The following SCHIP1 variants were observed in gnomAD, a reference collection of about 807,000 sequenced individuals.
SCHIP1 encodes the protein schwannomin-interacting protein 1.
In SCHIP1, 8 loss-of-function variants were observed where a neutral mutation model predicts 29.7. The observed-to-expected ratio is 0.27, with a 90% CI of 0.16 to 0.49. The LOEUF is 0.49. SCHIP1 is among the 20% of genes least tolerant of loss of function. The probability of loss-of-function intolerance (pLI) is 0.99; values close to 1 mark genes in which losing one functional copy is unlikely to be tolerated. For missense variants in SCHIP1, 193 were observed against 294.6 expected (o/e 0.66, Z 2.52); for synonymous variants, 76 against 94.9 (o/e 0.80, Z 1.16).
the SCHIP1 span, among the ~76,000 whole-genome samples, chr3:159,565,588 GTTC>G: frequency 6.6e-6 from 1 of 152,152 alleles, no homozygotes; most frequent in Non-Finnish European, 1.5e-5. Context: ...AGGATGGACT[GTTC>G]TTAAATGTTT....
the SCHIP1 span, among the ~76,000 whole-genome samples, chr3:159,281,748 TTC>T: frequency 6.6e-6 from 1 of 152,156 alleles, no homozygotes; most frequent in Non-Finnish European, 1.5e-5. Flanking sequence ...CATTGTAATA[TTC>T]TCTGTCTCAT....
chr3:159,892,120 C>G, exon 6 of SCHIP1: 1 of 1,613,686 alleles, frequency 6.2e-7, no homozygotes, highest in Non-Finnish European at 8.5e-7. Context: ...GTTGGTCCAG[C>G]TGCTTCTCAT....
the SCHIP1 span, among the ~76,000 whole-genome samples, chr3:159,701,269 T>C: frequency 6.6e-6 from 1 of 152,218 alleles, no homozygotes; most frequent in East Asian, 1.9e-4. Flanking sequence ...GCATCCTTTT[T>C]TATGGTTAAT....
At chr3:159,838,767 G>C (rs1272048085), upstream of SCHIP1, among the ~76,000 whole-genome samples, 5 of 151,772 alleles carry the variant, frequency 3.3e-5, no homozygotes, top group Non-Finnish European at 7.4e-5. Flanking sequence ...GGTGGTGGGC[G>C]CCTGTAGTCC....
At chr3:159,297,126 T>TTGTGTGTG in the SCHIP1 span, among the ~76,000 whole-genome samples, 293 of 143,370 alleles carry the variant, frequency 2.0e-3, no homozygotes, top group African/African-American at 3.8e-3. Flanking sequence ...TAATATTCCA[T>TTGTGTGTG]TGTGTGTGTG....
the SCHIP1 span, among the ~76,000 whole-genome samples, chr3:159,291,367 T>A: frequency 6.6e-6 from 1 of 152,136 alleles, no homozygotes; most frequent in South Asian, 2.1e-4. Flanking sequence ...ATTAAGCATA[T>A]ATTAAGTTTC....
chr3:159,392,327 A>T, the SCHIP1 span, among the ~76,000 whole-genome samples: 1 of 152,110 alleles, frequency 6.6e-6, no homozygotes, highest in Admixed American at 6.6e-5. Context: ...TTTTATTATT[A>T]TACTTTAAGT....
the SCHIP1 span, among the ~76,000 whole-genome samples, chr3:159,750,296 T>TATATATATATACACAC: frequency 3.4e-4 from 45 of 132,770 alleles, no homozygotes; most frequent in African/African-American, 1.4e-3. Flanking sequence ...TATATATATA[T>TATATATATATACACAC]ACACACACAC....
At chr3:159,673,151 G>A in the SCHIP1 span, among the ~76,000 whole-genome samples, 2 of 152,222 alleles carry the variant, frequency 1.3e-5, no homozygotes, top group African/African-American at 4.8e-5. Flanking sequence ...CAGTGACACA[G>A]CCTTGAAACA....
At chr3:159,644,917 C>T in the SCHIP1 span, among the ~76,000 whole-genome samples, 10 of 152,130 alleles carry the variant, frequency 6.6e-5, no homozygotes, top group Middle Eastern at 3.4e-3. Context: ...CTAACACTCT[C>T]GTTTGAGGGA....
intron 2 of SCHIP1, among the ~76,000 whole-genome samples, chr3:159,870,270 T>C (rs1007283540): frequency 6.6e-6 from 1 of 152,018 alleles, no homozygotes; most frequent in East Asian, 1.9e-4. Context: ...GGATTAGAAA[T>C]AGTAGTAGTT....
chr3:159,439,376 GA>G, the SCHIP1 span, among the ~76,000 whole-genome samples: 2 of 152,128 alleles, frequency 1.3e-5, no homozygotes, highest in Non-Finnish European at 2.9e-5. Context: ...AAGGCGGCAG[GA>G]AGGAGAAGTG....
At chr3:159,713,296 G>GA in the SCHIP1 span, among the ~76,000 whole-genome samples, 1 of 148,664 alleles carries the variant, frequency 6.7e-6, no homozygotes, top group African/African-American at 2.5e-5. Context: ...AAAAAGAAAA[G>GA]AAAGAAAGAA....
At chr3:159,351,810 CA>C in the SCHIP1 span, among the ~76,000 whole-genome samples, 3 of 152,038 alleles carry the variant, frequency 2.0e-5, no homozygotes, top group Admixed American at 6.6e-5. Context: ...CTTGCTATAA[CA>C]AAGTAGGAAA....
At chr3:159,860,283 AAGACAGAGAAAG>A (rs1312574993) in intron 1 of SCHIP1, among the ~76,000 whole-genome samples, 1 of 152,176 alleles carries the variant, frequency 6.6e-6, no homozygotes, top group Non-Finnish European at 1.5e-5. Context: ...ACCAGTGTAA[AAGACAGAGAAAG>A]AGCAGTCAAG....
chr3:159,282,450 T>C, the SCHIP1 span, among the ~76,000 whole-genome samples: 1 of 148,060 alleles, frequency 6.8e-6, no homozygotes, highest in African/African-American at 2.5e-5. Context: ...TTTTCCTAGA[T>C]TGCATATTTC....
At chr3:159,586,034 A>G in the SCHIP1 span, among the ~76,000 whole-genome samples, 1 of 152,116 alleles carries the variant, frequency 6.6e-6, no homozygotes, top group Non-Finnish European at 1.5e-5. Context: ...CAGCTCTAAG[A>G]TAACTAAACA....
the SCHIP1 span, among the ~76,000 whole-genome samples, chr3:159,803,759 T>G: frequency 6.6e-6 from 1 of 152,248 alleles, no homozygotes; most frequent in Non-Finnish European, 1.5e-5. Flanking sequence ...GCTACTTCTC[T>G]GTTTTCTTCT....
At chr3:159,591,800 G>A in the SCHIP1 span, among the ~76,000 whole-genome samples, 1 of 151,948 alleles carries the variant, frequency 6.6e-6, no homozygotes, top group Non-Finnish European at 1.5e-5. Flanking sequence ...GAGAGCATTA[G>A]GACAAATACC....
Sources: allele counts gnomAD v4.1 joint callset (sites outside exome capture counted in the v4.1 genomes callset), GRCh38; gene constraint gnomAD v4.1.1; transcripts MANE v1.5; gene names NCBI Gene and HGNC (gene_info 2026-07-23, HGNC 2026-07-21).